FRMD4A: variants seen among roughly 807,000 people sequenced by gnomAD.
The protein encoded by FRMD4A is FERM domain-containing protein 4A.
Under a neutral mutation model 129.1 loss-of-function variants are expected in FRMD4A, and 29 were observed. That is an observed-to-expected ratio of 0.22 (90% CI 0.17 to 0.31). The LOEUF is 0.31. Ranked by LOEUF, FRMD4A falls within the 10% of genes least tolerant of loss-of-function variation. The pLI is 1.00. For missense variants in FRMD4A, 1,272 were observed against 1,375.8 expected, an observed-to-expected ratio of 0.92 and a Z score of 1.19; for synonymous variants, 634 against 571.6, an observed-to-expected ratio of 1.11 and a Z score of -1.56.
intron 4 of FRMD4A, among the ~76,000 whole-genome samples, 185 bp from the exon 5 acceptor site, chr10:13,796,773 T>G (rs1315917081): frequency 6.6e-6 from 1 of 152,146 alleles, no homozygotes; most frequent in East Asian, 1.9e-4. Context: ...CAGGCTGGAG[T>G]GCAGTGGCAT....
chr10:13,861,132 G>A (rs950861615), intron 2 of FRMD4A, among the ~76,000 whole-genome samples: 4 of 152,176 alleles, frequency 2.6e-5, no homozygotes, highest in South Asian at 2.1e-4. Context: ...GCCACCCTGC[G>A]TCCTTCGTGA....
intron 2 of FRMD4A, among the ~76,000 whole-genome samples, chr10:13,892,044 G>GA (rs2094705912): frequency 7.9e-6 from 1 of 127,188 alleles, no homozygotes; most frequent in African/African-American, 2.9e-5. Context: ...CAGAAAGCCA[G>GA]GGACGCCCCC....
At chr10:13,873,630 T>A (rs1235280001) in intron 2 of FRMD4A, among the ~76,000 whole-genome samples, 1 of 152,168 alleles carries the variant, frequency 6.6e-6, no homozygotes, top group Non-Finnish European at 1.5e-5. Flanking sequence ...CACTGCAACC[T>A]CTGTCTCCCA....
chr10:13,839,431 T>C (rs1223927079), intron 3 of FRMD4A, among the ~76,000 whole-genome samples: 2 of 152,202 alleles, frequency 1.3e-5, no homozygotes, highest in Non-Finnish European at 2.9e-5. Context: ...TCTGTGGTCA[T>C]CTCTGCCAAC....
rs138298703 is a variant in FRMD4A, at chr10:13,693,998, G to A, written c.1017C>T (p.Ile339=). ...TCAGCGTCCCCGTCTCGGTCAGGTC[G>A]ATGGCGATCTCACTCAGGCTGCGTG... The part of the protein sequence containing the change: ...HAARSLSEIA[I]DLTETGTLKT... Residue 339 remains isoleucine (I), a synonymous_variant, in exon 15 of 25, where the codon ATC becomes ATT. Coordinates refer to ENST00000357447, the MANE Select transcript of FRMD4A (RefSeq NM_018027.5). 8.5e-6 allele frequency: 13 copies of A among 1,538,038 alleles called. No individual in the cohort carries two copies. The highest frequency in any genetic ancestry group is 1.8e-4 in the Middle Eastern group (1 of 5,694).
At chr10:13,652,080 CT>C (rs1397478429) in intron 23 of FRMD4A, 106 bp from the exon 24 acceptor site, 1 of 750,480 alleles carries the variant, frequency 1.3e-6, no homozygotes, top group Non-Finnish European at 2.5e-6. Context: ...ATCCGAAAGG[CT>C]TGCTGATTAG....
chr10:14,264,236 A>G (rs1844901415), intron 2 of FRMD4A, among the ~76,000 whole-genome samples: 1 of 152,164 alleles, frequency 6.6e-6, no homozygotes, highest in Non-Finnish European at 1.5e-5. Context: ...GGCACATCAC[A>G]GCCCACAAAG....
intron 3 of FRMD4A, among the ~76,000 whole-genome samples, chr10:13,841,355 C>T (rs2093962284): frequency 6.6e-6 from 1 of 152,130 alleles, no homozygotes; most frequent in Non-Finnish European, 1.5e-5. Context: ...CTTTGTTATT[C>T]ACGAACCCTT....
At chr10:13,815,101 G>A (rs79849304) in intron 3 of FRMD4A, among the ~76,000 whole-genome samples, 10 of 152,252 alleles carry the variant, frequency 6.6e-5, no homozygotes, top group African/African-American at 2.4e-4. Context: ...TTATCATCCA[G>A]AATAGAGATT....
intron 2 of FRMD4A, among the ~76,000 whole-genome samples, chr10:13,978,718 C>T (rs1002754472): frequency 7.9e-5 from 12 of 152,264 alleles, no homozygotes; most frequent in African/African-American, 2.6e-4. Flanking sequence ...ACCCAAAAAA[C>T]TCATTTATAT....
chr10:14,277,117 C>T (rs1589256033), intron 2 of FRMD4A, among the ~76,000 whole-genome samples: 1 of 152,142 alleles, frequency 6.6e-6, no homozygotes, highest in African/African-American at 2.4e-5. Flanking sequence ...CTCCTCCATC[C>T]TCCCAAACTG....
Position 13,654,037 on chromosome 10 carries a change from T to A in FRMD4A, c.3050+379A>T, listed in dbSNP as rs977930438. The A allele has an allele frequency of 7.4e-6, 3 of 404,844 alleles. No individual in the cohort carries two copies. The Admixed American group carries it at 1.2e-4, about 17-fold the overall frequency. 25.1% of individuals were successfully genotyped at this position (404,844 alleles called of 1,614,324 possible). ...CACCTGCCCCAGTGTATTTGCTGTC[T>A]TCATCAGCTCTCTTTCTCCCCCTGA... On this transcript the variant is annotated intron_variant, in intron 23 of 24. Transcript: ENST00000357447.
intron 6 of FRMD4A, among the ~76,000 whole-genome samples, chr10:13,778,101 T>C (rs533778748): frequency 3.9e-5 from 6 of 152,192 alleles, no homozygotes; most frequent in African/African-American, 1.4e-4. Context: ...GACAATTTTT[T>C]ACTTGCCCTG....
At chr10:14,048,083 G>T (rs936173336) in intron 2 of FRMD4A, among the ~76,000 whole-genome samples, 1 of 152,206 alleles carries the variant, frequency 6.6e-6, no homozygotes, top group African/African-American at 2.4e-5. Context: ...GGAGGCGGTA[G>T]AGATCTTGTG....
chr10:13,701,471 C>T lies in FRMD4A; in HGVS notation c.844G>A (p.Val282Met). Residue 282 changes from valine to methionine, a missense_variant, in exon 14 of 25, where the codon GTG becomes ATG. Val to Met is a conservative substitution (Grantham distance 21). This residue lies in a region of FRMD4A where 300 missense variants were observed against 483.6 expected (regional missense o/e 0.62). Transcript: ENST00000357447. The part of the protein sequence containing the change: ...VEVHDPRRAS[V>M]TRRTFGHSGI... ...CTGTGCCCAAACGTCCTCCTTGTCACTGAAGCCCTGGGGAAGCAAGAATCA... is the reference window on the plus strand; with the variant it reads ...CTGTGCCCAAACGTCCTCCTTGTCATTGAAGCCCTGGGGAAGCAAGAATCA... 6.2e-7 allele frequency: 1 copy of T among 1,613,232 alleles called. No individual in the cohort carries two copies. The highest frequency in any genetic ancestry group is 8.5e-7 in the Non-Finnish European group (1 of 1,179,510).
intron 8 of FRMD4A, among the ~76,000 whole-genome samples, chr10:13,756,612 G>A (rs879450984): frequency 2.6e-5 from 4 of 152,124 alleles, no homozygotes; most frequent in Non-Finnish European, 5.9e-5. Context: ...CAATCCATCC[G>A]CCTCGGCCTC....
intron 2 of FRMD4A, among the ~76,000 whole-genome samples, chr10:14,001,772 CA>C (rs1314403031): frequency 6.6e-6 from 1 of 152,164 alleles, no homozygotes; most frequent in East Asian, 1.9e-4. Context: ...ATAGAAGGAA[CA>C]AAACCCCATG....
intron 2 of FRMD4A, among the ~76,000 whole-genome samples, chr10:14,255,460 C>T (rs1238015920): frequency 1.3e-5 from 2 of 152,300 alleles, no homozygotes; most frequent in East Asian, 3.9e-4. Flanking sequence ...GATGGGGACA[C>T]AAGAAGAGCC....
chr10:14,258,790 G>C (rs756348962), intron 2 of FRMD4A, among the ~76,000 whole-genome samples: 1 of 152,148 alleles, frequency 6.6e-6, no homozygotes, highest in Non-Finnish European at 1.5e-5. Context: ...TGGTTGAACA[G>C]ATAAACAAAA....
Sources: gnomAD v4.1 joint callset for allele counts (sites outside exome capture counted in the v4.1 genomes callset) on GRCh38, gnomAD v4.1.1 for gene constraint, gnomAD v4.1.1 regional missense constraint, MANE v1.5 for transcripts, NCBI Gene and HGNC (gene_info 2026-07-23, HGNC 2026-07-21) for gene names.